Variants in MYO16 observed in about 807,000 individuals in gnomAD.
MYO16 encodes myosin XVI.
A neutral mutation model predicts 205.3 loss-of-function variants in MYO16; 94 were observed. The observed-to-expected ratio is 0.46, with a 90% CI of 0.39 to 0.54. MYO16 has a LOEUF of 0.54. Among genes scored for constraint, MYO16 ranks in the 20% least tolerant of loss-of-function variants. The pLI is 0.00. For synonymous variants in MYO16, 988 were observed against 954.0 expected (o/e 1.04, Z -0.66); for missense variants, 2,315 against 2,387.5 (o/e 0.97, Z 0.63).
At chr13:108,855,593 T>G in intron 11 of MYO16, 40 bp downstream of exon 11, 1 of 1,375,080 alleles carries the variant, frequency 7.3e-7, no homozygotes, top group Non-Finnish European at 1.0e-6. Context: ...TGTTTTTCTC[T>G]TGCTGCATAT....
intron 7 of MYO16, among the ~76,000 whole-genome samples, chr13:108,810,596 C>T (rs535783867): frequency 9.1e-4 from 139 of 152,168 alleles, no homozygotes; most frequent in South Asian, 1.9e-3. Flanking sequence ...ATTTAGTATG[C>T]ACTTCGGAAA....
At chr13:109,093,322 C>T (rs965948251) in intron 27 of MYO16, among the ~76,000 whole-genome samples, 14 of 152,086 alleles carry the variant, frequency 9.2e-5, no homozygotes, top group African/African-American at 3.1e-4. Flanking sequence ...ATGAGCATTC[C>T]GCACCATCAC....
At chr13:109,199,192 G>T (rs1451075463) in intron 34 of MYO16, among the ~76,000 whole-genome samples, 1 of 75,622 alleles carries the variant, frequency 1.3e-5, no homozygotes, top group Admixed American at 1.7e-4. Context: ...AATAAAAAAG[G>T]TATATATATA....
intron 1 of MYO16, among the ~76,000 whole-genome samples, chr13:108,614,875 AG>A (rs1330111399): frequency 2.4e-5 from 2 of 81,900 alleles, no homozygotes; most frequent in African/African-American, 8.9e-5. Flanking sequence ...CTTAAAACAC[AG>A]GAGTAAATTT....
At chr13:108,982,251 G>T (rs1025251006) in intron 20 of MYO16, among the ~76,000 whole-genome samples, 1 of 152,202 alleles carries the variant, frequency 6.6e-6, no homozygotes, top group East Asian at 1.9e-4. Context: ...CATGAGGCAG[G>T]GGCGTGGCTA....
chr13:109,154,074 C>G (rs1027666844), intron 32 of MYO16, among the ~76,000 whole-genome samples: 2 of 152,238 alleles, frequency 1.3e-5, no homozygotes, highest in African/African-American at 2.4e-5. Flanking sequence ...ATCAAAGACA[C>G]GGTCCATGTA....
chr13:109,120,570 G>A, intron 29 of MYO16, 104 bp downstream of exon 29: 1 of 715,808 alleles, frequency 1.4e-6, no homozygotes, highest in East Asian at 3.0e-5. Context: ...GCACCCTAGT[G>A]GACCACTCTC....
chr13:109,176,485 T>G (rs2139906843), intron 33 of MYO16, among the ~76,000 whole-genome samples: 1 of 150,242 alleles, frequency 6.7e-6, no homozygotes, highest in Non-Finnish European at 1.5e-5. Flanking sequence ...TTTTTTTTTA[T>G]TCATGGTTTG....
intron 23 of MYO16, among the ~76,000 whole-genome samples, chr13:109,020,521 A>G (rs563874564): frequency 6.6e-6 from 1 of 152,276 alleles, no homozygotes; most frequent in East Asian, 1.9e-4. Flanking sequence ...ATCTCTGTTC[A>G]GGTTATTTTT....
chr13:108,981,193 A>G (rs1884436867), intron 20 of MYO16, among the ~76,000 whole-genome samples: 1 of 152,240 alleles, frequency 6.6e-6, no homozygotes. Context: ...AGGCGAGGTT[A>G]TCCTGTATTC....
intron 23 of MYO16, among the ~76,000 whole-genome samples, chr13:109,024,942 T>TC (rs1164890088): frequency 6.6e-6 from 1 of 152,138 alleles, no homozygotes; most frequent in Non-Finnish European, 1.5e-5. Context: ...ATTTTATAAA[T>TC]CAAGACACGT....
At chr13:108,893,746 C>G (rs1192225806) in intron 14 of MYO16, among the ~76,000 whole-genome samples, 1 of 152,166 alleles carries the variant, frequency 6.6e-6, no homozygotes, top group Non-Finnish European at 1.5e-5. Flanking sequence ...ATGGGGAGTG[C>G]TGGCAGGCGG....
intron 32 of MYO16, among the ~76,000 whole-genome samples, chr13:109,149,437 A>T (rs1157989806): frequency 1.3e-5 from 2 of 152,310 alleles, no homozygotes; most frequent in South Asian, 2.1e-4. Context: ...ATTTTCCCAT[A>T]ATCACAAAAA....
intron 34 of MYO16, among the ~76,000 whole-genome samples, chr13:109,192,562 C>A (rs1410014525): frequency 2.0e-5 from 3 of 152,112 alleles, no homozygotes; most frequent in African/African-American, 7.2e-5. Flanking sequence ...GTCCCAGTAT[C>A]CCTTGTGGTT....
At chr13:109,013,426 A>G (rs1238013067) in intron 22 of MYO16, among the ~76,000 whole-genome samples, 1 of 152,134 alleles carries the variant, frequency 6.6e-6, no homozygotes, top group Non-Finnish European at 1.5e-5. Flanking sequence ...CAATAAACAT[A>G]CGTGTGCATG....
chr13:108,704,502 A>C (rs9284248), intron 2 of MYO16, among the ~76,000 whole-genome samples: 117,407 of 152,010 alleles, frequency 0.77, 45,525 homozygotes, highest in East Asian at 0.98. Flanking sequence ...AAATATAATA[A>C]AAATATATTT....
intron 2 of MYO16, among the ~76,000 whole-genome samples, chr13:108,670,309 T>A (rs1881929670): frequency 1.3e-5 from 2 of 152,144 alleles, no homozygotes; most frequent in Admixed American, 6.5e-5. Context: ...TTAATTTCCA[T>A]GTCTAAGAAC....
chr13:108,523,977 G>A, the MYO16 span, among the ~76,000 whole-genome samples: 1 of 152,156 alleles, frequency 6.6e-6, no homozygotes. Context: ...GATAGCGAAT[G>A]AGTTCTTGCA....
chr13:108,574,025 A>G, the MYO16 span, among the ~76,000 whole-genome samples: 1 of 151,882 alleles, frequency 6.6e-6, no homozygotes, highest in African/African-American at 2.4e-5. Context: ...TAATTTTTCT[A>G]TTATTTTTGT....
Sources: gnomAD v4.1 joint callset for allele counts (sites outside exome capture counted in the v4.1 genomes callset) on GRCh38, gnomAD v4.1.1 for gene constraint, MANE v1.5 for transcripts, NCBI Gene and HGNC (gene_info 2026-07-23, HGNC 2026-07-21) for gene names.